MYO1E: variants seen among roughly 807,000 people sequenced by gnomAD.
The protein encoded by MYO1E is unconventional myosin-Ie.
MYO1E carries 68 observed loss-of-function variants against 151.1 expected under a neutral mutation model. The observed-to-expected ratio is 0.45, with a 90% CI of 0.37 to 0.55. MYO1E has a LOEUF of 0.55. Ranked by LOEUF, MYO1E falls within the 20% of genes least tolerant of loss-of-function variation. MYO1E has a pLI of 0.00. For missense variants in MYO1E, 1,363 were observed against 1,389.3 expected, an observed-to-expected ratio of 0.98 and a Z score of 0.30; for synonymous variants, 601 against 501.7, an observed-to-expected ratio of 1.20 and a Z score of -2.64.
intron 14 of MYO1E, among the ~76,000 whole-genome samples, chr15:59,205,803 C>T (rs567972136): frequency 6.6e-6 from 1 of 152,302 alleles, no homozygotes; most frequent in East Asian, 1.9e-4. Context: ...ACCCCTTCTT[C>T]AGTGGATCCA....
At chr15:59,369,914 A>T (rs1464125992) in intron 1 of MYO1E, among the ~76,000 whole-genome samples, 2 of 152,108 alleles carry the variant, frequency 1.3e-5, no homozygotes, top group Admixed American at 6.5e-5. Context: ...CACACAGAAG[A>T]AGTCCACGGT....
intron 14 of MYO1E, chr15:59,207,328 A>T (rs745540609): frequency 6.2e-7 from 1 of 1,613,992 alleles, no homozygotes; most frequent in Non-Finnish European, 8.5e-7. Context: ...TGTTTGTAGC[A>T]AAGATTACTT....
At chr15:59,296,847 T>C (rs2080451507) in intron 1 of MYO1E, among the ~76,000 whole-genome samples, 1 of 149,404 alleles carries the variant, frequency 6.7e-6, no homozygotes, top group Admixed American at 6.7e-5. Context: ...TTCTTTTTTT[T>C]TTTTTTTTTT....
intron 17 of MYO1E, among the ~76,000 whole-genome samples, chr15:59,194,490 G>T (rs1268940592): frequency 5.3e-5 from 8 of 152,188 alleles, no homozygotes; most frequent in African/African-American, 1.4e-4. Context: ...GAGATAATCG[G>T]CAGCTAGGAA....
At chr15:59,209,815 C>CGT (rs2079866778) in intron 13 of MYO1E, among the ~76,000 whole-genome samples, 2 of 49,838 alleles carry the variant, frequency 4.0e-5, no homozygotes, top group East Asian at 1.3e-3. Flanking sequence ...TTTGAATCAC[C>CGT]TTTTTTTTTT....
At chr15:59,142,387 G>C (rs1163823034) in intron 26 of MYO1E, among the ~76,000 whole-genome samples, 1 of 152,166 alleles carries the variant, frequency 6.6e-6, no homozygotes, top group Non-Finnish European at 1.5e-5. Flanking sequence ...CAGGGTCGGG[G>C]TAAGACCTCT....
chr15:59,297,437 A>ATTTTTTTTTTTT lies in MYO1E; in HGVS notation c.4-25000_4-24989dup, dbSNP rs755470049. Among the ~76,000 whole-genome samples, 311 of 63,444 alleles carry ATTTTTTTTTTTT rather than the reference A, an allele frequency of 4.9e-3. 44 individuals carry two copies. Among genetic ancestry groups the ATTTTTTTTTTTT allele is most frequent in the Admixed American group, 0.039 (148 of 3,756 alleles). 41.6% of individuals were successfully genotyped at this position (63,444 alleles called of 152,430 possible). A position where few individuals can be genotyped will look rare whatever the true frequency, so the allele number is the denominator to read the frequency against. ...AGGTACGCACCACCACACCCAGCTA[A>ATTTTTTTTTTTT]TTTTTTTTTTTTTTTTTTTTTTTTA... On this transcript the variant is annotated intron_variant, in intron 1 of 27. Coordinates refer to ENST00000288235, the MANE Select transcript of MYO1E (RefSeq NM_004998.4).
chr15:59,313,334 G>A (rs112262430), intron 1 of MYO1E, among the ~76,000 whole-genome samples: 11 of 152,210 alleles, frequency 7.2e-5, no homozygotes, highest in African/African-American at 2.4e-4. Context: ...CTGTTAATAC[G>A]CATCTGAAGG....
chr15:59,358,549 A>G (rs192162394), intron 1 of MYO1E, among the ~76,000 whole-genome samples: 1 of 152,350 alleles, frequency 6.6e-6, no homozygotes, highest in Admixed American at 6.5e-5. Context: ...CCCTAGTTCT[A>G]GATCATAGAA....
intron 1 of MYO1E, among the ~76,000 whole-genome samples, chr15:59,286,214 C>T (rs554731323): frequency 4.7e-4 from 72 of 152,196 alleles, no homozygotes; most frequent in Non-Finnish European, 9.4e-4. Flanking sequence ...GTCAGGACTT[C>T]CTATCCTTGG....
chr15:59,300,542 G>C (rs932491822), intron 1 of MYO1E, among the ~76,000 whole-genome samples: 2 of 152,144 alleles, frequency 1.3e-5, no homozygotes, highest in Non-Finnish European at 2.9e-5. Flanking sequence ...AAGCACAAGA[G>C]GAAGTGAGTC....
At chr15:59,236,123 C>G (rs762398256) in intron 5 of MYO1E, among the ~76,000 whole-genome samples, 52 of 151,936 alleles carry the variant, frequency 3.4e-4, no homozygotes, top group Admixed American at 5.3e-4. Flanking sequence ...GGGCAGATCA[C>G]CTGAGGTCAG....
chr15:59,238,566 G>A (rs533379198), intron 4 of MYO1E, among the ~76,000 whole-genome samples: 2 of 152,292 alleles, frequency 1.3e-5, no homozygotes, highest in South Asian at 2.1e-4. Context: ...CTTGTTAGGA[G>A]GCTGGTATAG....
intron 1 of MYO1E, among the ~76,000 whole-genome samples, chr15:59,303,533 TAAAG>T (rs1314431748): frequency 5.3e-5 from 8 of 151,506 alleles, no homozygotes; most frequent in Non-Finnish European, 8.8e-5. Flanking sequence ...TGTCTAAAAA[TAAAG>T]AAAGAAATAA....
At chr15:59,361,798 A>C (rs1341551977) in intron 1 of MYO1E, among the ~76,000 whole-genome samples, 3 of 151,806 alleles carry the variant, frequency 2.0e-5, no homozygotes, top group Admixed American at 2.0e-4. Context: ...CTTGGTGTGG[A>C]TCTTTCTAGT....
At chr15:59,227,362 C>T in intron 7 of MYO1E, 97 bp downstream of exon 7, 3 of 1,477,190 alleles carry the variant, frequency 2.0e-6, no homozygotes, top group Non-Finnish European at 2.8e-6. Flanking sequence ...TCAGTCCTCC[C>T]TGGCTTCCTA....
intron 16 of MYO1E, among the ~76,000 whole-genome samples, chr15:59,200,261 C>G (rs893751639): frequency 1.3e-5 from 2 of 152,150 alleles, no homozygotes; most frequent in Admixed American, 6.5e-5. Flanking sequence ...ATGTGACAGT[C>G]TTATGACTCG....
intron 26 of MYO1E, among the ~76,000 whole-genome samples, chr15:59,145,647 C>A (rs2079436962): frequency 6.6e-6 from 1 of 151,804 alleles, no homozygotes; most frequent in Admixed American, 6.6e-5. Flanking sequence ...CCGCCTTGGC[C>A]TCCCAAAGTG....
chr15:59,269,481 C>A (rs931625322), intron 2 of MYO1E, among the ~76,000 whole-genome samples: 2 of 152,088 alleles, frequency 1.3e-5, no homozygotes, highest in Non-Finnish European at 2.9e-5. Context: ...GGTGTTAAGT[C>A]CGGATAAAGT....
Sources: gnomAD v4.1 joint callset for allele counts (sites outside exome capture counted in the v4.1 genomes callset) on GRCh38, gnomAD v4.1.1 for gene constraint, MANE v1.5 for transcripts, NCBI Gene and HGNC (gene_info 2026-07-23, HGNC 2026-07-21) for gene names.